Variants in FRYL observed in about 807,000 individuals in gnomAD.
FRYL encodes FRY like transcription coactivator, also known as protein furry homolog-like.
In FRYL, 150 loss-of-function variants were observed where a neutral mutation model predicts 351.2. The ratio of observed to expected loss-of-function variants is 0.43; its 90% CI spans 0.37 to 0.49. The LOEUF (loss-of-function observed/expected upper bound fraction) is 0.49, where lower values mean the gene tolerates loss of function less well. Ranked by LOEUF, FRYL falls within the 20% of genes least tolerant of loss-of-function variation. The pLI, the probability that FRYL is intolerant of heterozygous loss-of-function variation, is 0.00. For synonymous variants in FRYL, 1,153 were observed against 1,257.1 expected (o/e 0.92, Z 1.75); for missense variants, 3,036 against 3,619.3 (o/e 0.84, Z 4.13).
chr4:48,713,235 A>G (rs1418542310), intron 1 of FRYL, among the ~76,000 whole-genome samples: 3 of 152,104 alleles, frequency 2.0e-5, no homozygotes, highest in Non-Finnish European at 4.4e-5. Context: ...AACACTATTA[A>G]CTTTATTTGT....
At chr4:48,607,252 G>C (rs1246169843) in intron 9 of FRYL, among the ~76,000 whole-genome samples, 1 of 151,962 alleles carries the variant, frequency 6.6e-6, no homozygotes, top group Non-Finnish European at 1.5e-5. Context: ...AACAACTAAA[G>C]ACTTTACTGA....
At chr4:48,620,559 A>C in intron 6 of FRYL, 80 bp downstream of exon 6, 1 of 1,416,258 alleles carries the variant, frequency 7.1e-7, no homozygotes, top group East Asian at 2.3e-5. Flanking sequence ...TCAAACAATA[A>C]CAACCTTCAG....
chr4:48,650,875 C>T (rs1188291484), intron 3 of FRYL, among the ~76,000 whole-genome samples: 5 of 151,942 alleles, frequency 3.3e-5, no homozygotes, highest in East Asian at 1.9e-4. Context: ...GGAGAGACTA[C>T]GGAAATTTGA....
intron 3 of FRYL, among the ~76,000 whole-genome samples, chr4:48,671,263 AC>A (rs1019810996): frequency 2.0e-5 from 3 of 152,250 alleles, no homozygotes; most frequent in South Asian, 2.1e-4. Context: ...AAAATACCCA[AC>A]AAAAACTACT....
At chr4:48,699,297 A>T (rs1000323273) in intron 2 of FRYL, among the ~76,000 whole-genome samples, 1 of 152,224 alleles carries the variant, frequency 6.6e-6, no homozygotes, top group Non-Finnish European at 1.5e-5. Context: ...CTCAAAAAGG[A>T]TAACTAAACA....
intron 48 of FRYL, among the ~76,000 whole-genome samples, 183 bp downstream of exon 48, chr4:48,535,474 A>C (rs1372979291): frequency 3.9e-5 from 6 of 152,036 alleles, no homozygotes; most frequent in African/African-American, 1.4e-4. Context: ...AACTATGTTG[A>C]CTGTCAGACA....
At chr4:48,607,027 C>A (rs1215668542) in intron 9 of FRYL, among the ~76,000 whole-genome samples, 1 of 152,136 alleles carries the variant, frequency 6.6e-6, no homozygotes, top group Non-Finnish European at 1.5e-5. Context: ...AATTTGTTCA[C>A]AGAGATAAGC....
intron 2 of FRYL, among the ~76,000 whole-genome samples, chr4:48,697,098 G>A (rs1192688558): frequency 6.6e-6 from 1 of 151,946 alleles, no homozygotes; most frequent in African/African-American, 2.4e-5. Context: ...TCGAAGACTT[G>A]GAATTTTAAA....
chr4:48,512,675 C>A lies in FRYL; in HGVS notation c.7951G>T (p.Glu2651Ter). 6.2e-7 allele frequency: 1 copy of A among 1,612,496 alleles called. No individual in the cohort carries two copies. The highest frequency in any genetic ancestry group is 1.1e-5 in the South Asian group (1 of 91,032). The change falls in exon 57 of 64, where the codon GAG (glutamate) becomes TAG (stop). Residue 2651 changes from glutamate (E) to a stop codon, truncating the protein, a stop_gained. Transcript: ENST00000358350. LOFTEE classifies it high-confidence loss of function. ...TGTACTTCTGGAAAACCATCTTGCT[C>A]TTCTTCATCTTGACTATTAACACAG... ...FSGLSSQDEE[E>*]QDGFPEVQTS...
chr4:48,507,350 T>TAATCA (rs1560505501), intron 59 of FRYL, among the ~76,000 whole-genome samples: 1 of 152,200 alleles, frequency 6.6e-6, no homozygotes, highest in African/African-American at 2.4e-5. Flanking sequence ...AGTTCACATC[T>TAATCA]AATCAATCAG....
chr4:48,602,869 A>G (rs1745984557), intron 12 of FRYL, among the ~76,000 whole-genome samples: 2 of 152,240 alleles, frequency 1.3e-5, no homozygotes, highest in Non-Finnish European at 2.9e-5. Context: ...TTCTGTTACA[A>G]CTGCCCACAG....
intron 41 of FRYL, 97 bp from the exon 42 acceptor site, chr4:48,546,368 C>T (rs768095063): frequency 2.9e-5 from 27 of 918,232 alleles, no homozygotes; most frequent in Non-Finnish European, 4.4e-5. Flanking sequence ...CTATGGGACA[C>T]ATGAGGCAAT....
intron 5 of FRYL, among the ~76,000 whole-genome samples, chr4:48,622,799 A>G (rs1750942810): frequency 6.6e-6 from 1 of 152,192 alleles, no homozygotes; most frequent in Non-Finnish European, 1.5e-5. Flanking sequence ...CAGAAAAATA[A>G]ATAAATGTTA....
At chr4:48,749,168 G>T (rs976554983) in intron 1 of FRYL, among the ~76,000 whole-genome samples, 1 of 152,192 alleles carries the variant, frequency 6.6e-6, no homozygotes, top group Non-Finnish European at 1.5e-5. Flanking sequence ...ACTGCAGGGC[G>T]GAGAGCAGGT....
chr4:48,606,405 G>C, intron 10 of FRYL, 33 bp downstream of exon 10: 1 of 1,458,986 alleles, frequency 6.9e-7, no homozygotes, highest in Non-Finnish European at 9.4e-7. Flanking sequence ...TGTTAGGCTT[G>C]CTCTATTTAC....
At position 48,690,920 on chromosome 4, in the gene FRYL, A is replaced by C. The variant is rs565790361; in HGVS notation, c.-203-6125T>G. 2.7e-3 allele frequency among the ~76,000 whole-genome samples: 415 copies of C among 152,336 alleles called. 3 individuals are homozygous for C. The highest frequency in any genetic ancestry group is 9.1e-3 in the African/African-American group (378 of 41,582). On this transcript the variant is annotated intron_variant, in intron 2 of 63. Coordinates refer to ENST00000358350, the MANE Select transcript of FRYL (RefSeq NM_015030.2). ...TTAACTAGAAGAGAAAAATGAATAA[A>C]TAGCTGCTCAAGGTCATAAAGCAAG...
In FRYL at chr4:48,500,641, G is replaced by A. The variant is rs369477462; in HGVS notation, c.8593-421C>T. On this transcript the variant is annotated intron_variant, in intron 62 of 63. Coordinates refer to ENST00000358350, the MANE Select transcript of FRYL (RefSeq NM_015030.2). ...TTCTTTTTACAGATTTAATGACTAA[G>A]AAATTAAATCATTTCCCCAGTGATA... 2.6e-5 allele frequency among the ~76,000 whole-genome samples: 4 copies of A among 152,142 alleles called. No homozygotes were observed. The South Asian group carries it at 8.3e-4, about 32-fold the overall frequency.
intron 1 of FRYL, among the ~76,000 whole-genome samples, chr4:48,717,077 A>C (rs890676345): frequency 3.6e-5 from 5 of 137,024 alleles, no homozygotes; most frequent in African/African-American, 1.4e-4. Context: ...AACAACGAGA[A>C]CATATGGACA....
At chr4:48,756,930 G>A (rs531974245) in intron 1 of FRYL, among the ~76,000 whole-genome samples, 6 of 152,186 alleles carry the variant, frequency 3.9e-5, no homozygotes, top group African/African-American at 1.2e-4. Flanking sequence ...CCTGGGCTAC[G>A]GAGTGAGACT....
Sources: allele counts gnomAD v4.1 joint callset (sites outside exome capture counted in the v4.1 genomes callset), GRCh38; gene constraint gnomAD v4.1.1; transcripts MANE v1.5; gene names NCBI Gene and HGNC (gene_info 2026-07-23, HGNC 2026-07-21).